CTNND2: variants seen among roughly 807,000 people sequenced by gnomAD.
The protein encoded by CTNND2 is catenin delta-2.
In CTNND2, 22 loss-of-function variants were observed where a neutral mutation model predicts 144.4. The observed-to-expected ratio is 0.15, with a 90% CI of 0.11 to 0.22. The LOEUF (loss-of-function observed/expected upper bound fraction) is 0.22. Among genes scored for constraint, CTNND2 ranks in the 10% least tolerant of loss-of-function variants. CTNND2 has a pLI of 1.00. For missense variants in CTNND2, 1,353 were observed against 1,618.8 expected (o/e 0.84, Z 2.82); for synonymous variants, 751 against 695.6 (o/e 1.08, Z -1.25).
intron 7 of CTNND2, among the ~76,000 whole-genome samples, chr5:11,377,871 T>C (rs1433653609): frequency 1.3e-5 from 2 of 152,086 alleles, no homozygotes; most frequent in African/African-American, 4.8e-5. Context: ...AGAATAGAGG[T>C]GCTATATCAA....
At chr5:11,012,621 T>A (rs1159272099) in intron 18 of CTNND2, among the ~76,000 whole-genome samples, 7 of 152,148 alleles carry the variant, frequency 4.6e-5, no homozygotes, top group Non-Finnish European at 1.0e-4. Flanking sequence ...CGGAAGTCAG[T>A]TCTTACACTG....
chr5:11,593,196 G>A (rs913734624), intron 2 of CTNND2, among the ~76,000 whole-genome samples: 12 of 144,146 alleles, frequency 8.3e-5, no homozygotes, highest in African/African-American at 3.1e-4. Flanking sequence ...AACCATAACA[G>A]AATATAAAAA....
intron 2 of CTNND2, among the ~76,000 whole-genome samples, chr5:11,586,255 G>A (rs1483709390): frequency 6.6e-6 from 1 of 151,968 alleles, no homozygotes; most frequent in East Asian, 1.9e-4. Flanking sequence ...TGCTCTCCTT[G>A]GCCACGACAC....
At chr5:11,507,639 C>T (rs559324940) in intron 3 of CTNND2, among the ~76,000 whole-genome samples, 4 of 152,200 alleles carry the variant, frequency 2.6e-5, no homozygotes, top group East Asian at 3.8e-4. Context: ...ATTTCCTCCA[C>T]GGGTTTCCTC....
rs1738124746 is a variant in CTNND2, at chr5:11,903,960, T to C, written c.-107A>G. Reference sequence around the variant, plus strand: ...TGCCCAACTGCAGCATCTTCCGCTTTTGTTGTCTGAGCGCGGCCGCGGGAC... The same window carrying C: ...TGCCCAACTGCAGCATCTTCCGCTTCTGTTGTCTGAGCGCGGCCGCGGGAC... On this transcript the variant is annotated 5_prime_UTR_variant, in exon 1 of 22. Transcript: ENST00000304623. The surrounding 1 kb of genome is among the most constrained non-coding windows in gnomAD (Gnocchi z 5.4). 8.1e-7 allele frequency: 1 copy of C among 1,241,676 alleles called. No homozygotes were observed. The highest frequency in any genetic ancestry group is 2.5e-5 in the South Asian group (1 of 39,828). The allele number at this position is 1,241,676 out of a possible 1,614,324, so 76.9% of individuals were successfully genotyped here. A position where few individuals can be genotyped will look rare whatever the true frequency, so the allele number is the denominator to read the frequency against.
intron 11 of CTNND2, among the ~76,000 whole-genome samples, chr5:11,169,539 A>C (rs1280930988): frequency 6.6e-6 from 1 of 152,200 alleles, no homozygotes; most frequent in Non-Finnish European, 1.5e-5. Flanking sequence ...TCCATTAAGT[A>C]CTATAACCCA....
At chr5:11,559,648 C>A (rs1424339160) in intron 3 of CTNND2, among the ~76,000 whole-genome samples, 4 of 152,158 alleles carry the variant, frequency 2.6e-5, no homozygotes, top group Non-Finnish European at 5.9e-5. Flanking sequence ...CCCATTGGAG[C>A]CTTCCAGGAG....
intron 11 of CTNND2, among the ~76,000 whole-genome samples, chr5:11,161,272 CCTTA>C (rs1373217164): frequency 1.3e-5 from 2 of 152,130 alleles, no homozygotes; most frequent in Non-Finnish European, 2.9e-5. Context: ...CAAACTGTCC[CCTTA>C]CAGAAAAATT....
intron 2 of CTNND2, among the ~76,000 whole-genome samples, chr5:11,660,078 A>G (rs1157188407): frequency 1.3e-5 from 2 of 152,164 alleles, no homozygotes; most frequent in Admixed American, 1.3e-4. Flanking sequence ...GAGAAGCTTT[A>G]AAGAAATTTG....
chr5:11,559,035 A>G lies in CTNND2; in HGVS notation c.287+5909T>C, dbSNP rs1776469310. On this transcript the variant is annotated intron_variant, in intron 3 of 21. Coordinates refer to ENST00000304623, the MANE Select transcript of CTNND2 (RefSeq NM_001332.4). The stretch of plus-strand genomic sequence containing the variant: ...TGCAGAGGAGTCTGGAATTTACAAG[A>G]TCCCCCAGGGTATGGCTGGCCAAGT... Among the ~76,000 whole-genome samples the G allele has an allele frequency of 2.0e-5, 3 of 152,248 alleles. No individual in the cohort carries two copies. The South Asian group carries it at 6.2e-4, about 32-fold the overall frequency.
chr5:11,393,165 A>G (rs1759782236), intron 6 of CTNND2, among the ~76,000 whole-genome samples: 1 of 152,262 alleles, frequency 6.6e-6, no homozygotes, highest in South Asian at 2.1e-4. Flanking sequence ...TAAATAGATA[A>G]GCCAGATCAA....
At chr5:11,744,430 G>A (rs1374471001) in intron 1 of CTNND2, among the ~76,000 whole-genome samples, 1 of 152,134 alleles carries the variant, frequency 6.6e-6, no homozygotes, top group Non-Finnish European at 1.5e-5. Flanking sequence ...GGTCCCCTCA[G>A]ACCTGAGGAC....
intron 2 of CTNND2, among the ~76,000 whole-genome samples, chr5:11,599,942 T>C (rs185573619): frequency 6.6e-6 from 1 of 152,224 alleles, no homozygotes; most frequent in Non-Finnish European, 1.5e-5. Context: ...GGAATCCGAG[T>C]TAAGAAGTGC....
In CTNND2 at chr5:11,623,814, A is replaced by G. The variant is rs1228804952; in HGVS notation, c.175-58758T>C. On this transcript the variant is annotated intron_variant, in intron 2 of 21. Transcript: ENST00000304623. ...AATATATATATGTGTGTATGTATAT[A>G]TATATATATATATATATATATATAT... Among the ~76,000 whole-genome samples, 159 of 41,984 alleles carry G rather than the reference A, an allele frequency of 3.8e-3. 3 individuals are homozygous for G. Among genetic ancestry groups the G allele is most frequent in the African/African-American group, 0.013 (138 of 10,566 alleles). The allele number at this position is 41,984 out of a possible 152,430, so 27.5% of individuals were successfully genotyped here. A position where few individuals can be genotyped will look rare whatever the true frequency, so the allele number is the denominator to read the frequency against.
At chr5:11,608,120 A>T (rs1017162165) in intron 2 of CTNND2, among the ~76,000 whole-genome samples, 1 of 152,162 alleles carries the variant, frequency 6.6e-6, no homozygotes, top group African/African-American at 2.4e-5. Flanking sequence ...TGCAATGTGA[A>T]CCTACCCACA....
chr5:11,343,272 T>A (rs32128), intron 9 of CTNND2, among the ~76,000 whole-genome samples: 2 of 151,954 alleles, frequency 1.3e-5, no homozygotes, highest in African/African-American at 4.8e-5. Flanking sequence ...GGAACTGCCA[T>A]GACTTCAAAT....
At chr5:11,594,396 T>C (rs1234148369) in intron 2 of CTNND2, among the ~76,000 whole-genome samples, 1 of 152,140 alleles carries the variant, frequency 6.6e-6, no homozygotes, top group East Asian at 1.9e-4. Flanking sequence ...TCTAAATTAT[T>C]TTAAATCCTA....
intron 2 of CTNND2, among the ~76,000 whole-genome samples, chr5:11,595,682 T>C (rs573589704): frequency 6.6e-6 from 1 of 152,328 alleles, no homozygotes; most frequent in South Asian, 2.1e-4. Context: ...AGTTCAGCTT[T>C]AAACCCATTG....
At chr5:11,570,456 C>G (rs1237924363) in intron 2 of CTNND2, among the ~76,000 whole-genome samples, 2 of 152,084 alleles carry the variant, frequency 1.3e-5, no homozygotes, top group African/African-American at 2.4e-5. Context: ...CTTTGCACAT[C>G]TTTATATGTT....
Sources: gnomAD v4.1 joint callset for allele counts (sites outside exome capture counted in the v4.1 genomes callset) on GRCh38, gnomAD v4.1.1 for gene constraint, Gnocchi (gnomAD v3.1) non-coding constraint, MANE v1.5 for transcripts, NCBI Gene and HGNC (gene_info 2026-07-23, HGNC 2026-07-21) for gene names.